Variants in ZNF560 observed in about 807,000 individuals in gnomAD.
The protein encoded by ZNF560 is zinc finger protein 560.
Under a neutral mutation model 81.8 loss-of-function variants are expected in ZNF560, and 54 were observed. The observed-to-expected ratio is 0.66, with a 90% CI of 0.53 to 0.83. The LOEUF is 0.83. Ranked by LOEUF, ZNF560 falls within the 40% of genes least tolerant of loss-of-function variation. The probability of loss-of-function intolerance (pLI) is 0.00; values close to 1 mark genes in which losing one functional copy is unlikely to be tolerated. For synonymous variants in ZNF560, 321 were observed against 317.9 expected (o/e 1.01, Z -0.10); for missense variants, 940 against 932.4 (o/e 1.01, Z -0.11).
chr19:9,484,593 C>T (rs1026587339), intron 2 of ZNF560, among the ~76,000 whole-genome samples: 7 of 143,876 alleles, frequency 4.9e-5, no homozygotes, highest in East Asian at 2.0e-4. Context: ...ACTATCCTGG[C>T]GAACATGGTG....
the ZNF560 span, among the ~76,000 whole-genome samples, chr19:9,460,599 C>T: frequency 7.2e-5 from 11 of 152,140 alleles, no homozygotes; most frequent in Non-Finnish European, 1.2e-4. Context: ...AAGCATCCGC[C>T]CATCTGTTTG....
upstream of ZNF560, chr19:9,498,747 G>C (rs1599689052): frequency 6.6e-6 from 1 of 152,506 alleles, no homozygotes; most frequent in East Asian, 1.9e-4. Flanking sequence ...TCAAGGGGTC[G>C]GCTCAGTGCC....
At chr19:9,480,596 A>G (rs1599665461) in intron 2 of ZNF560, among the ~76,000 whole-genome samples, 1 of 152,100 alleles carries the variant, frequency 6.6e-6, no homozygotes, top group East Asian at 1.9e-4. Context: ...AAGGAAACTA[A>G]AAGTTTTCTG....
In ZNF560 at chr19:9,494,900, C is replaced by T. The variant is rs546246459; in HGVS notation, c.-57+3228G>A. 2.4e-4 allele frequency among the ~76,000 whole-genome samples: 37 copies of T among 151,608 alleles called. No homozygotes were observed. In the East Asian group the frequency reaches 3.1e-3, roughly 13 times the overall value. ...CCAGACAGCAATAAGAGTGAAACTC[C>T]GTCTCAAAAAAAAACAAACAAACAA... On this transcript the variant is annotated intron_variant, in intron 2 of 9. Transcript: ENST00000301480.
the ZNF560 span, among the ~76,000 whole-genome samples, chr19:9,446,519 T>G: frequency 6.6e-6 from 1 of 152,150 alleles, no homozygotes; most frequent in African/African-American, 2.4e-5. Flanking sequence ...AATTCTGAGA[T>G]GGTGCTTATG....
chr19:9,455,480 G>T, the ZNF560 span, among the ~76,000 whole-genome samples: 5 of 152,152 alleles, frequency 3.3e-5, no homozygotes, highest in African/African-American at 1.2e-4. Context: ...TGCATTAGAC[G>T]CACAAGTGGT....
chr19:9,453,907 T>C, the ZNF560 span, among the ~76,000 whole-genome samples: 2 of 152,232 alleles, frequency 1.3e-5, no homozygotes, highest in Non-Finnish European at 2.9e-5. Context: ...AGAATATTGC[T>C]TGGAACAGGC....
the ZNF560 span, among the ~76,000 whole-genome samples, chr19:9,448,773 A>G: frequency 6.6e-6 from 1 of 152,148 alleles, no homozygotes; most frequent in African/African-American, 2.4e-5. Context: ...AAAAACGACA[A>G]GTACTATCCT....
the ZNF560 span, among the ~76,000 whole-genome samples, chr19:9,448,796 C>G: frequency 2.0e-5 from 3 of 152,102 alleles, no homozygotes; most frequent in Non-Finnish European, 4.4e-5. Flanking sequence ...TGAGACCTAT[C>G]TCACACATAT....
intron 2 of ZNF560, 73 bp from the exon 3 acceptor site, chr19:9,475,442 C>T: frequency 1.2e-6 from 1 of 808,722 alleles, no homozygotes; most frequent in Non-Finnish European, 2.0e-6. Context: ...GAAGTTATTC[C>T]AACCTGGTTC....
the ZNF560 span, among the ~76,000 whole-genome samples, chr19:9,504,611 T>A: frequency 1.3e-5 from 2 of 152,192 alleles, no homozygotes; most frequent in African/African-American, 2.4e-5. Flanking sequence ...TCAAGCTATG[T>A]CCTTACTGAT....
At chr19:9,456,364 A>T in the ZNF560 span, among the ~76,000 whole-genome samples, 2 of 152,206 alleles carry the variant, frequency 1.3e-5, no homozygotes, top group Admixed American at 1.3e-4. Flanking sequence ...TAACGGGGAA[A>T]TTCAAATCGT....
the ZNF560 span, among the ~76,000 whole-genome samples, chr19:9,447,497 C>T: frequency 6.6e-6 from 1 of 151,564 alleles, no homozygotes; most frequent in Admixed American, 6.6e-5. Flanking sequence ...AAGCAATCAA[C>T]AAAATAAGAA....
chr19:9,497,962 GC>G (rs745523264), intron 2 of ZNF560, among the ~76,000 whole-genome samples, 165 bp downstream of exon 2: 24 of 152,082 alleles, frequency 1.6e-4, no homozygotes, highest in Non-Finnish European at 2.8e-4. Flanking sequence ...GCAGAAATAC[GC>G]ACACCCTAGA....
chr19:9,466,705 C>G lies in ZNF560; in HGVS notation c.2242G>C (p.Ala748Pro). Residue 748 changes from alanine to proline, a missense_variant, in exon 10 of 10, where the codon GCC (alanine) becomes CCC (proline). Coordinates refer to ENST00000301480, the MANE Select transcript of ZNF560 (RefSeq NM_152476.3). ...ATACGTCCTGAGGATGTACGGAAGG[C>G]CTTCCCACATTCCTTACATTTATAG... Reference protein sequence around the residue: ...KPYKCKECGKAFRTSSGRIQH... With the variant: ...KPYKCKECGKPFRTSSGRIQH... 1 of 1,614,102 alleles carries G rather than the reference C, an allele frequency of 6.2e-7. No individual in the cohort carries two copies. The highest frequency in any genetic ancestry group is 8.5e-7 in the Non-Finnish European group (1 of 1,180,004).
intron 2 of ZNF560, among the ~76,000 whole-genome samples, chr19:9,483,344 G>A (rs1414560263): frequency 1.2e-4 from 17 of 146,328 alleles, no homozygotes; most frequent in African/African-American, 3.6e-4. Context: ...GAGCATCTCT[G>A]CCCAGCCGCC....
Position 9,466,462 on chromosome 19 carries a change from A to G in ZNF560, c.*112T>C, listed in dbSNP as rs1194544503. On this transcript the variant is annotated 3_prime_UTR_variant, in exon 10 of 10. Coordinates refer to ENST00000301480, the MANE Select transcript of ZNF560 (RefSeq NM_152476.3). ...AAGATTCAACTGTTCAGGCTTTCTC[A>G]CATTCCTTACATTGATAGTGTTACT... 1 of 993,204 alleles carries G rather than the reference A, an allele frequency of 1.0e-6. No homozygotes were observed. Among genetic ancestry groups the G allele is most frequent in the Non-Finnish European group, 1.5e-6 (1 of 671,692 alleles). 61.5% of individuals were successfully genotyped at this position (993,204 alleles called of 1,614,324 possible).
intron 2 of ZNF560, among the ~76,000 whole-genome samples, chr19:9,481,960 AAGAC>A (rs1179356066): frequency 6.6e-6 from 1 of 152,232 alleles, no homozygotes; most frequent in Admixed American, 6.5e-5. Context: ...TGCTACTATA[AAGAC>A]ACATGCACAT....
the ZNF560 span, among the ~76,000 whole-genome samples, chr19:9,446,549 C>T: frequency 1.3e-5 from 2 of 152,082 alleles, no homozygotes; most frequent in East Asian, 3.9e-4. Flanking sequence ...CTCTGGTATG[C>T]CTTGGTATAA....
Sources: allele counts gnomAD v4.1 joint callset (sites outside exome capture counted in the v4.1 genomes callset), GRCh38; gene constraint gnomAD v4.1.1; transcripts MANE v1.5; gene names NCBI Gene and HGNC (gene_info 2026-07-23, HGNC 2026-07-21).